MICU1: variants seen among roughly 807,000 people sequenced by gnomAD.
The protein encoded by MICU1 is mitochondrial calcium uptake 1.
A neutral mutation model predicts 56.8 loss-of-function variants in MICU1; 45 were observed. The ratio of observed to expected loss-of-function variants is 0.79; its 90% CI spans 0.62 to 1.02. The LOEUF is 1.02. Ranked by LOEUF, MICU1 falls within the 50% of genes least tolerant of loss-of-function variation. The pLI is 0.00. For missense variants in MICU1, 504 were observed against 587.1 expected, an observed-to-expected ratio of 0.86 and a Z score of 1.46; for synonymous variants, 186 against 195.1, an observed-to-expected ratio of 0.95 and a Z score of 0.39.
At chr10:72,456,946 G>GGTGTGTGTGTGT (rs71018292) in intron 8 of MICU1, among the ~76,000 whole-genome samples, 73 of 117,786 alleles carry the variant, frequency 6.2e-4, no homozygotes, top group Middle Eastern at 4.2e-3. Flanking sequence ...ATATTGCCCA[G>GGTGTGTGTGTGT]GTGTGTGTGT....
At chr10:72,495,150 A>G (rs971941309) in intron 6 of MICU1, among the ~76,000 whole-genome samples, 1 of 151,862 alleles carries the variant, frequency 6.6e-6, no homozygotes, top group African/African-American at 2.4e-5. Context: ...CTTTAGGAAT[A>G]TATTTTCTTC....
intron 8 of MICU1, among the ~76,000 whole-genome samples, chr10:72,440,790 C>T (rs1452830661): frequency 2.0e-5 from 3 of 152,100 alleles, no homozygotes; most frequent in Non-Finnish European, 4.4e-5. Context: ...CCAGCAGACA[C>T]ATGAAAAAAT....
intron 1 of MICU1, among the ~76,000 whole-genome samples, chr10:72,610,242 CAG>C (rs1841807136): frequency 1.7e-5 from 2 of 114,852 alleles, no homozygotes; most frequent in Non-Finnish European, 3.4e-5. Flanking sequence ...GCATAAGTGA[CAG>C]AGTGACATAC....
chr10:72,621,427 G>A (rs886473515), intron 1 of MICU1, among the ~76,000 whole-genome samples: 2 of 152,086 alleles, frequency 1.3e-5, no homozygotes, highest in Non-Finnish European at 2.9e-5. Flanking sequence ...AAGAGGCGGA[G>A]GTTGCAGTGA....
chr10:72,598,904 T>C (rs1052079340), intron 1 of MICU1, among the ~76,000 whole-genome samples: 3 of 152,146 alleles, frequency 2.0e-5, no homozygotes, highest in Non-Finnish European at 4.4e-5. Context: ...TTCTTTTTTT[T>C]CCCATTCATA....
chr10:72,391,663 T>C (rs567612689), intron 10 of MICU1, among the ~76,000 whole-genome samples: 1 of 152,300 alleles, frequency 6.6e-6, no homozygotes, highest in African/African-American at 2.4e-5. Flanking sequence ...CAGATTTTTT[T>C]TTCAATAAAT....
At chr10:72,485,550 A>C (rs1866441780) in intron 6 of MICU1, among the ~76,000 whole-genome samples, 1 of 151,702 alleles carries the variant, frequency 6.6e-6, no homozygotes, top group South Asian at 2.1e-4. Flanking sequence ...GTCCGTTTCC[A>C]GTTAAAAAAA....
intron 8 of MICU1, among the ~76,000 whole-genome samples, chr10:72,441,255 T>A (rs565451946): frequency 1.3e-5 from 2 of 152,120 alleles, no homozygotes; most frequent in South Asian, 4.2e-4. Context: ...TGCAGGGACA[T>A]GGATGAAGCT....
intron 6 of MICU1, among the ~76,000 whole-genome samples, chr10:72,500,302 A>ATT (rs542725786): frequency 0.014 from 147 of 10,562 alleles, no homozygotes; most frequent in Non-Finnish European, 0.037. Context: ...ATATATATAT[A>ATT]TTTTTTTTTT....
chr10:72,407,441 G>T (rs1439293740), intron 10 of MICU1, among the ~76,000 whole-genome samples: 3 of 152,164 alleles, frequency 2.0e-5, no homozygotes, highest in African/African-American at 7.2e-5. Flanking sequence ...GTGCTCTCAC[G>T]TTGCTTGTAC....
chr10:72,382,770 G>T (rs1419025433), intron 10 of MICU1, among the ~76,000 whole-genome samples: 1 of 152,124 alleles, frequency 6.6e-6, no homozygotes, highest in Non-Finnish European at 1.5e-5. Context: ...TTAGCCAGGC[G>T]TGGTGGCACA....
intron 8 of MICU1, among the ~76,000 whole-genome samples, chr10:72,448,653 G>A (rs995325904): frequency 1.3e-5 from 2 of 152,086 alleles, no homozygotes; most frequent in Admixed American, 6.6e-5. Flanking sequence ...TGTAGCTTAA[G>A]GAAGCTTTAA....
At chr10:72,410,524 C>T (rs756305751) in intron 9 of MICU1, among the ~76,000 whole-genome samples, 2 of 152,116 alleles carry the variant, frequency 1.3e-5, no homozygotes, top group Non-Finnish European at 2.9e-5. Context: ...GAGGCTGAGG[C>T]AGGAGAATCG....
chr10:72,587,925 G>A (rs916773213), intron 1 of MICU1, among the ~76,000 whole-genome samples: 6 of 152,178 alleles, frequency 3.9e-5, no homozygotes, highest in African/African-American at 1.4e-4. Context: ...TGGGTAGAGC[G>A]TGGGTCAATA....
At chr10:72,490,542 C>T (rs1259178393) in intron 6 of MICU1, among the ~76,000 whole-genome samples, 2 of 152,262 alleles carry the variant, frequency 1.3e-5, no homozygotes, top group Middle Eastern at 3.4e-3. Flanking sequence ...TTGTCACCCA[C>T]GAAGTTCCCT....
At chr10:72,622,230 C>A (rs1235695551) in intron 1 of MICU1, among the ~76,000 whole-genome samples, 1 of 131,396 alleles carries the variant, frequency 7.6e-6, no homozygotes, top group Non-Finnish European at 1.7e-5. Flanking sequence ...GCCCCAAGTT[C>A]TCTTAATTAA....
Position 72,569,225 on chromosome 10 carries a change from A to ATTTTTT in MICU1, c.-1-2432_-1-2431insAAAAAA, listed in dbSNP as rs1320606721. ...TATATGCATATATATATATATATATATATATATATATATTTTTTTTTTTTT... is the reference window on the plus strand; with the variant it reads ...TATATGCATATATATATATATATATATTTTTTTATATATATATATTTTTTTTTTTTT... On this transcript the variant is annotated intron_variant, in intron 1 of 11. Coordinates refer to ENST00000361114, the MANE Select transcript of MICU1 (RefSeq NM_001195518.2). 1.3e-3 allele frequency among the ~76,000 whole-genome samples: 51 copies of ATTTTTT among 40,486 alleles called. 6 individuals carry two copies. The highest frequency in any genetic ancestry group is 5.9e-3 in the African/African-American group (50 of 8,450). 26.6% of individuals were successfully genotyped at this position (40,486 alleles called of 152,430 possible).
chr10:72,565,835 TAAA>T (rs1840418804), intron 2 of MICU1, among the ~76,000 whole-genome samples: 1 of 151,446 alleles, frequency 6.6e-6, no homozygotes, highest in Non-Finnish European at 1.5e-5. Flanking sequence ...CAAACAAAAA[TAAA>T]AAACAGAGAG....
At chr10:72,417,382 A>T (rs1864016040) in intron 9 of MICU1, among the ~76,000 whole-genome samples, 1 of 148,938 alleles carries the variant, frequency 6.7e-6, no homozygotes, top group African/African-American at 2.5e-5. Flanking sequence ...TGAACCCAGG[A>T]GGCGGAGCTT....
Sources: allele counts gnomAD v4.1 joint callset (sites outside exome capture counted in the v4.1 genomes callset), GRCh38; gene constraint gnomAD v4.1.1; transcripts MANE v1.5; gene names NCBI Gene and HGNC (gene_info 2026-07-23, HGNC 2026-07-21).